DCDC2C: variants seen among roughly 807,000 people sequenced by gnomAD.
DCDC2C encodes doublecortin domain containing 2C.
Under a neutral mutation model 45.0 loss-of-function variants are expected in DCDC2C, and 44 were observed. That is an observed-to-expected ratio of 0.98 (90% CI 0.77 to 1.26). DCDC2C has a LOEUF of 1.26. DCDC2C is among the 50% of genes most tolerant of loss of function. The pLI is 0.00. For synonymous variants in DCDC2C, 187 were observed against 178.8 expected (o/e 1.05, Z -0.37); for missense variants, 447 against 468.9 (o/e 0.95, Z 0.43).
chr2:3,828,313 C>T (rs1254388021), intron 10 of DCDC2C, among the ~76,000 whole-genome samples: 2 of 152,204 alleles, frequency 1.3e-5, no homozygotes, highest in Non-Finnish European at 2.9e-5. Flanking sequence ...TTCCTACCTA[C>T]ACTCCATGGC....
At chr2:3,704,296 GGACCGCCCCA>G (rs1667975154) in intron 1 of DCDC2C, 1 of 367,114 alleles carries the variant, frequency 2.7e-6, no homozygotes, top group Non-Finnish European at 4.8e-6. Context: ...CAGCGATTCA[GGACCGCCCCA>G]GAGACGGCCA....
intron 3 of DCDC2C, among the ~76,000 whole-genome samples, chr2:3,738,946 C>T (rs565834468): frequency 2.6e-5 from 4 of 152,300 alleles, no homozygotes; most frequent in Non-Finnish European, 5.9e-5. Flanking sequence ...GATGGATCAT[C>T]GGACCCTGAA....
intron 2 of DCDC2C, among the ~76,000 whole-genome samples, chr2:3,722,398 G>A (rs1286223871): frequency 2.0e-5 from 3 of 152,192 alleles, no homozygotes; most frequent in Non-Finnish European, 4.4e-5. Flanking sequence ...TAGATATTTT[G>A]CCTGGTTATG....
chr2:3,704,059 CA>C (rs1286336347), intron 1 of DCDC2C, 21 bp downstream of exon 1: 8 of 1,245,382 alleles, frequency 6.4e-6, no homozygotes, highest in Non-Finnish European at 8.0e-6. Context: ...CCGCGCCCCC[CA>C]CGCGCCCTGC....
At chr2:3,708,705 C>T in intron 2 of DCDC2C, 105 bp downstream of exon 2, 1 of 834,064 alleles carries the variant, frequency 1.2e-6, no homozygotes. Context: ...GCAGTAAATG[C>T]CTGCAGAGAT....
In DCDC2C at chr2:3,845,744, G is replaced by A. The variant is rs375703629; in HGVS notation, c.1066-1410G>A. Reference sequence around the variant, plus strand: ...TGAAACTGCATTTCTAATTACTTTCGTTGGTGACTTCTTTTCCAGCTGCCC... The same window carrying A: ...TGAAACTGCATTTCTAATTACTTTCATTGGTGACTTCTTTTCCAGCTGCCC... On this transcript the variant is annotated intron_variant, in intron 10 of 10. Coordinates refer to ENST00000399143, the MANE Select transcript of DCDC2C (RefSeq NM_001287444.2). Among the ~76,000 whole-genome samples the A allele has an allele frequency of 5.3e-5, 8 of 152,254 alleles. No individual in the cohort carries two copies. In the South Asian group the frequency reaches 1.5e-3, roughly 28 times the overall value.
intron 2 of DCDC2C, among the ~76,000 whole-genome samples, chr2:3,724,181 A>C (rs988140482): frequency 6.6e-6 from 1 of 152,196 alleles, no homozygotes; most frequent in Non-Finnish European, 1.5e-5. Flanking sequence ...GCTTCTCCAG[A>C]CCACATGGAC....
chr2:3,760,267 T>C (rs1669842417), intron 6 of DCDC2C, among the ~76,000 whole-genome samples: 1 of 152,238 alleles, frequency 6.6e-6, no homozygotes, highest in South Asian at 2.1e-4. Flanking sequence ...CAAAAGAACT[T>C]GCATTTGCAC....
At chr2:3,726,792 C>T (rs544945070) in intron 2 of DCDC2C, among the ~76,000 whole-genome samples, 1 of 152,286 alleles carries the variant, frequency 6.6e-6, no homozygotes, top group African/African-American at 2.4e-5. Flanking sequence ...AGCCCCAGAC[C>T]CCCTCGCGCT....
chr2:3,813,507 T>C lies in DCDC2C; in HGVS notation c.1065+28407T>C, dbSNP rs1233926916. Among the ~76,000 whole-genome samples the C allele has an allele frequency of 2.0e-5, 3 of 152,198 alleles. No individual in the cohort carries two copies. In the East Asian group the frequency reaches 5.8e-4, roughly 29 times the overall value. On this transcript the variant is annotated intron_variant, in intron 10 of 10. Transcript: ENST00000399143. ...GATCTGTTTAATACTGACAATGGGG[T>C]GTTAAAGTCTCCCATTATTATTTTG...
intron 10 of DCDC2C, among the ~76,000 whole-genome samples, chr2:3,820,593 G>C (rs1184359991): frequency 6.6e-6 from 1 of 152,160 alleles, no homozygotes; most frequent in Non-Finnish European, 1.5e-5. Context: ...TAAACACCAA[G>C]GGAAGACTGT....
At chr2:3,718,803 G>T (rs1255252470) in intron 2 of DCDC2C, among the ~76,000 whole-genome samples, 2 of 152,204 alleles carry the variant, frequency 1.3e-5, no homozygotes. Flanking sequence ...GACCTTTGCA[G>T]TGAGTGTTAC....
rs183018760 is a variant in DCDC2C, at chr2:3,816,102, A to C, written c.1065+31002A>C. On this transcript the variant is annotated intron_variant, in intron 10 of 10. Coordinates refer to ENST00000399143, the MANE Select transcript of DCDC2C (RefSeq NM_001287444.2). ...ACCTAGAGTGGGAGAGATTAAGCTG[A>C]AGGAAGATTTTGTGGTAAGGGGCGA... 1.5e-4 allele frequency among the ~76,000 whole-genome samples: 23 copies of C among 152,252 alleles called. No homozygotes were observed. The East Asian group carries it at 4.1e-3, about 27-fold the overall frequency.
At chr2:3,809,995 G>A (rs1409620090) in intron 10 of DCDC2C, among the ~76,000 whole-genome samples, 3 of 152,144 alleles carry the variant, frequency 2.0e-5, no homozygotes, top group African/African-American at 7.2e-5. Flanking sequence ...GCTTATCATT[G>A]ATGGGCATTT....
chr2:3,786,416 C>T (rs1157956639), intron 10 of DCDC2C, among the ~76,000 whole-genome samples: 1 of 74,132 alleles, frequency 1.3e-5, no homozygotes. Context: ...GCCTCCGGTG[C>T]GGGTGTGTCC....
At chr2:3,826,358 G>C (rs1572644545) in intron 10 of DCDC2C, among the ~76,000 whole-genome samples, 1 of 152,114 alleles carries the variant, frequency 6.6e-6, no homozygotes, top group Non-Finnish European at 1.5e-5. Context: ...TTTATAAAGA[G>C]TTTTCATGTA....
intron 6 of DCDC2C, among the ~76,000 whole-genome samples, chr2:3,765,461 C>T (rs1669985909): frequency 6.6e-6 from 1 of 152,138 alleles, no homozygotes; most frequent in South Asian, 2.1e-4. Flanking sequence ...GCTGTAGCAG[C>T]ACAGGTATGG....
At chr2:3,800,603 C>T (rs1300366145) in intron 10 of DCDC2C, among the ~76,000 whole-genome samples, 3 of 149,766 alleles carry the variant, frequency 2.0e-5, no homozygotes, top group African/African-American at 4.8e-5. Context: ...TGCACAATCA[C>T]ATAAGTGCTT....
chr2:3,712,669 G>T (rs1051156942), intron 2 of DCDC2C, among the ~76,000 whole-genome samples: 14 of 152,176 alleles, frequency 9.2e-5, no homozygotes, highest in African/African-American at 3.4e-4. Flanking sequence ...TGTTTTCCTT[G>T]CTTATTATGT....
Sources: allele counts gnomAD v4.1 joint callset (sites outside exome capture counted in the v4.1 genomes callset), GRCh38; gene constraint gnomAD v4.1.1; transcripts MANE v1.5; gene names NCBI Gene and HGNC (gene_info 2026-07-23, HGNC 2026-07-21).